The following PKHD1L1 variants were observed in gnomAD, a reference collection of about 807,000 sequenced individuals.
PKHD1L1 encodes PKHD1 like 1, also known as fibrocystin-L.
PKHD1L1 carries 434 observed loss-of-function variants against 462.9 expected under a neutral mutation model. The observed-to-expected ratio is 0.94, with a 90% confidence interval of 0.87 to 1.02. PKHD1L1 has a LOEUF of 1.02. PKHD1L1 is among the 50% of genes least tolerant of loss of function. The pLI, the probability that PKHD1L1 is intolerant of heterozygous loss-of-function variation, is 0.00. For synonymous variants in PKHD1L1, 1,781 were observed against 1,750.0 expected, an observed-to-expected ratio of 1.02 and a Z score of -0.44; for missense variants, 5,202 against 5,096.1, an observed-to-expected ratio of 1.02 and a Z score of -0.63.
At chr8:109,427,297 AAGG>A in intron 25 of PKHD1L1, 141 bp downstream of exon 25, 1 of 684,942 alleles carries the variant, frequency 1.5e-6, no homozygotes, top group Non-Finnish European at 2.5e-6. Flanking sequence ...AAAGGAAGTT[AAGG>A]AGAAGGTTTT....
chr8:109,452,935 T>C, intron 43 of PKHD1L1, 61 bp downstream of exon 43: 1 of 1,231,514 alleles, frequency 8.1e-7, no homozygotes, highest in African/African-American at 1.6e-5. Context: ...TGAAACTGAT[T>C]TAATCAAAAT....
chr8:109,444,422 A>G (rs1241189413), intron 37 of PKHD1L1, among the ~76,000 whole-genome samples: 1 of 152,172 alleles, frequency 6.6e-6, no homozygotes, highest in Non-Finnish European at 1.5e-5. Context: ...GTTGATGGAC[A>G]TTTGGGTTGT....
intron 73 of PKHD1L1, among the ~76,000 whole-genome samples, chr8:109,518,771 T>A (rs1336199377): frequency 2.6e-5 from 4 of 152,272 alleles, no homozygotes; most frequent in African/African-American, 9.6e-5. Flanking sequence ...TATAAAAAGA[T>A]CTGGGAAGAC....
At position 109,537,126 on chromosome 8, in the gene PKHD1L1, T is replaced by G. The variant is rs1371291912; in HGVS notation, c.*7036T>G. Among the ~76,000 whole-genome samples the G allele has an allele frequency of 6.6e-6, 1 of 152,258 alleles. No homozygotes were observed. The highest frequency in any genetic ancestry group is 1.9e-4 in the East Asian group (1 of 5,204). ...ATGTGCGGCAAAGCTTTGTTTTACTTGATCAAGAAATGAATGTGACTTTAT... is the reference window on the plus strand; with the variant it reads ...ATGTGCGGCAAAGCTTTGTTTTACTGGATCAAGAAATGAATGTGACTTTAT... On this transcript the variant is annotated 3_prime_UTR_variant, in exon 78 of 78. Coordinates refer to ENST00000378402, the MANE Select transcript of PKHD1L1 (RefSeq NM_177531.6).
rs371860326 is a variant in PKHD1L1, at chr8:109,405,020, C to T, written c.1559C>T (p.Thr520Ile). The change falls in exon 16 of 78, where the codon ACA becomes ATA. Residue 520 changes from threonine to isoleucine, a missense_variant. By Grantham distance (89) the Thr-to-Ile change is moderately conservative. Around this residue, in one of 3 missense-constraint regions of PKHD1L1, gnomAD observed 4,497 missense variants for 4,336.8 expected, o/e 1.04. Transcript: ENST00000378402. ...GTTATAACATTGGAAAACTGGGAAACAACTAATGCAATTAATGAGGTTCAG... is the reference window on the plus strand; with the variant it reads ...GTTATAACATTGGAAAACTGGGAAATAACTAATGCAATTAATGAGGTTCAG... ...VQVITLENWE[T>I]TNAINEVQKI... 1.6e-5 allele frequency: 24 copies of T among 1,516,486 alleles called. No individual in the cohort carries two copies. The highest frequency in any genetic ancestry group is 2.0e-5 in the Non-Finnish European group (22 of 1,126,110). The allele number at this position is 1,516,486 out of a possible 1,614,324, so 93.9% of individuals were successfully genotyped here.
At chr8:109,375,288 C>T (rs769699766) in intron 2 of PKHD1L1, among the ~76,000 whole-genome samples, 9 of 152,182 alleles carry the variant, frequency 5.9e-5, no homozygotes, top group Non-Finnish European at 1.3e-4. Context: ...TCCAGTTGAT[C>T]GCATCAGCTA....
In PKHD1L1 at chr8:109,518,218, A is replaced by G; in HGVS notation, c.11741A>G (p.Asp3914Gly). 4 of 1,610,320 alleles carry G rather than the reference A, an allele frequency of 2.5e-6. No homozygotes were observed. Among genetic ancestry groups the G allele is most frequent in the Middle Eastern group, 1.7e-4 (1 of 6,038 alleles). Residue 3914 changes from aspartate (D) to glycine (G), a missense_variant, in exon 73 of 78, where the codon GAT becomes GGT. By Grantham distance (94) the Asp-to-Gly change is moderately conservative (BLOSUM62 -1). This residue lies in a region of PKHD1L1 where 698 missense variants were observed against 736.3 expected (regional missense o/e 0.95). Coordinates refer to ENST00000378402, the MANE Select transcript of PKHD1L1 (RefSeq NM_177531.6). ...ACTGTCCTTGGTGAAAACTACTTTG[A>G]TGGAACCTACCAGATGCTTTATCTT... ...DSTVLGENYF[D>G]GTYQMLYLLV... is the part of the protein sequence containing the mutation.
At chr8:109,485,518 T>C (rs1304114743) in intron 58 of PKHD1L1, among the ~76,000 whole-genome samples, 1 of 151,990 alleles carries the variant, frequency 6.6e-6, no homozygotes, top group African/African-American at 2.4e-5. Flanking sequence ...AATTGTTTCA[T>C]GGATATAGTC....
chr8:109,461,675 A>G, intron 47 of PKHD1L1, 97 bp from the exon 48 acceptor site: 1 of 1,290,736 alleles, frequency 7.7e-7, no homozygotes, highest in East Asian at 2.5e-5. Context: ...GGTTGAGATC[A>G]TATGTGAATC....
In PKHD1L1 at chr8:109,419,265, G is replaced by C; in HGVS notation, c.2524+5G>C. The C allele has an allele frequency of 6.3e-7, 1 of 1,575,942 alleles. No homozygotes were observed. The highest frequency in any genetic ancestry group is 8.6e-7 in the Non-Finnish European group (1 of 1,157,698). On this transcript the variant is annotated splice_donor_5th_base_variant and intron_variant, in intron 22 of 77. Transcript: ENST00000378402. ...CTACAATCTCAACATTGGATGGTAT[G>C]TTGTATCATTTTATCTCTGCTTTAA...
intron 77 of PKHD1L1, among the ~76,000 whole-genome samples, chr8:109,528,621 T>G (rs1402569334): frequency 6.6e-5 from 10 of 152,178 alleles, no homozygotes; most frequent in Non-Finnish European, 1.3e-4. Flanking sequence ...TCCAGCAGGT[T>G]TCCCTTCTTC....
In PKHD1L1 at chr8:109,533,298, G is replaced by A. The variant is rs79446885; in HGVS notation, c.*3208G>A. Among the ~76,000 whole-genome samples, 5 of 152,310 alleles carry A rather than the reference G, an allele frequency of 3.3e-5. No individual in the cohort carries two copies. In the East Asian group the frequency reaches 9.6e-4, roughly 29 times the overall value. On this transcript the variant is annotated 3_prime_UTR_variant, in exon 78 of 78. Transcript: ENST00000378402. ...AAAGTGTGACATCTGAAGACTGATGGTATCATATATATGACATGTAACACA... is the reference window on the plus strand; with the variant it reads ...AAAGTGTGACATCTGAAGACTGATGATATCATATATATGACATGTAACACA...
At chr8:109,490,166 A>G (rs1818758637) in intron 60 of PKHD1L1, 111 bp downstream of exon 60, 2 of 667,170 alleles carry the variant, frequency 3.0e-6, no homozygotes, top group East Asian at 5.9e-5. Flanking sequence ...ATAATCTAAT[A>G]TAATAAAACT....
chr8:109,372,415 T>G (rs1421726390), intron 2 of PKHD1L1, among the ~76,000 whole-genome samples: 1 of 152,168 alleles, frequency 6.6e-6, no homozygotes, highest in Non-Finnish European at 1.5e-5. Context: ...CTGAGACGAC[T>G]GGGTTATCTA....
intron 42 of PKHD1L1, 52 bp from the exon 43 acceptor site, chr8:109,452,666 A>G: frequency 7.9e-7 from 1 of 1,273,732 alleles, no homozygotes; most frequent in Non-Finnish European, 1.0e-6. Flanking sequence ...AAATCGAATG[A>G]AAAACTCTGG....
Position 109,488,200 on chromosome 8 carries a change from C to T in PKHD1L1, c.9880+1379C>T, listed in dbSNP as rs180690565. On this transcript the variant is annotated intron_variant, in intron 59 of 77. Coordinates refer to ENST00000378402, the MANE Select transcript of PKHD1L1 (RefSeq NM_177531.6). ...CAGGAAAAAATGCTTGATTTTTCCT[C>T]ATATTGACTAGGTTTCAAGATAATG... 1.8e-3 allele frequency among the ~76,000 whole-genome samples: 269 copies of T among 151,980 alleles called. 1 individual carries two copies. The highest frequency in any genetic ancestry group is 3.1e-3 in the Non-Finnish European group (212 of 67,904).
At position 109,438,322 on chromosome 8, in the gene PKHD1L1, A is replaced by G. The variant is rs1586510823; in HGVS notation, c.3628-2A>G. 12 of 1,477,258 alleles carry G rather than the reference A, an allele frequency of 8.1e-6. No individual in the cohort carries two copies. The highest frequency in any genetic ancestry group is 2.9e-5 in the African/African-American group (2 of 69,874). The allele number at this position is 1,477,258 out of a possible 1,614,324, so 91.5% of individuals were successfully genotyped here. A position where few individuals can be genotyped will look rare whatever the true frequency, so the allele number is the denominator to read the frequency against. On this transcript the variant is annotated splice_acceptor_variant, in intron 30 of 77. Transcript: ENST00000378402. LOFTEE classifies it high-confidence loss of function. ...TTTCTAATTTTTTTCCTCTTATTTT[A>G]GAAAACTGAGGGTACAGTTGATATT...
At chr8:109,493,367 T>C (rs1191775809) in intron 62 of PKHD1L1, among the ~76,000 whole-genome samples, 1 of 151,562 alleles carries the variant, frequency 6.6e-6, no homozygotes, top group Non-Finnish European at 1.5e-5. Flanking sequence ...GCCTTGTAAA[T>C]TTTAAACCAC....
At chr8:109,490,481 G>T (rs889864785) in intron 60 of PKHD1L1, among the ~76,000 whole-genome samples, 16 of 151,780 alleles carry the variant, frequency 1.1e-4, no homozygotes, top group Non-Finnish European at 2.4e-4. Context: ...TAAGAAAAAT[G>T]AGAGACAGCA....
Sources: gnomAD v4.1 joint callset for allele counts (sites outside exome capture counted in the v4.1 genomes callset) on GRCh38, gnomAD v4.1.1 for gene constraint, gnomAD v4.1.1 regional missense constraint, MANE v1.5 for transcripts, NCBI Gene and HGNC (gene_info 2026-07-23, HGNC 2026-07-21) for gene names.